LSM12: variants seen among roughly 807,000 people sequenced by gnomAD.
LSM12 encodes the protein protein LSM12.
For synonymous variants in LSM12, 74 were observed against 87.3 expected (o/e 0.85, Z 0.85); for missense variants, 108 against 238.9 (o/e 0.45, Z 3.61).
chr17:44,037,313 A>C, intron 4 of LSM12, 99 bp downstream of exon 4: 1 of 1,356,016 alleles, frequency 7.4e-7, no homozygotes, highest in Non-Finnish European at 9.8e-7. Context: ...CTGCTAGAGG[A>C]GGCAGAGACT....
intron 2 of LSM12, among the ~76,000 whole-genome samples, chr17:44,041,306 CACACA>C (rs1418426069): frequency 3.6e-5 from 5 of 140,552 alleles, no homozygotes; most frequent in African/African-American, 1.4e-4. Flanking sequence ...CACACACACA[CACACA>C]CACACACACA....
intron 2 of LSM12, among the ~76,000 whole-genome samples, chr17:44,045,419 A>G (rs1327917679): frequency 2.0e-5 from 3 of 152,176 alleles, no homozygotes; most frequent in African/African-American, 7.2e-5. Context: ...TCTTCCACTT[A>G]GCACATTTCT....
chr17:44,058,926 C>T (rs80175415), intron 2 of LSM12, among the ~76,000 whole-genome samples: 1 of 151,896 alleles, frequency 6.6e-6, no homozygotes, highest in East Asian at 1.9e-4. Context: ...TTGAGCGAAC[C>T]CTGGAGGTCG....
intron 2 of LSM12, among the ~76,000 whole-genome samples, chr17:44,041,216 T>C (rs1245189953): frequency 6.7e-6 from 1 of 149,336 alleles, no homozygotes; most frequent in African/African-American, 2.5e-5. Flanking sequence ...TGTTGCAGTG[T>C]GCCGAGATCA....
chr17:44,066,549 G>A lies in LSM12; in HGVS notation c.39C>T (p.Ser13=), dbSNP rs978325364. 8 of 1,511,458 alleles carry A rather than the reference G, an allele frequency of 5.3e-6. No homozygotes were observed. Among genetic ancestry groups the A allele is most frequent in the African/African-American group, 1.4e-5 (1 of 69,000 alleles). 93.6% of individuals were successfully genotyped at this position (1,511,458 alleles called of 1,614,324 possible). ...CCTGGCACGTCCGGCACGACACCTG[G>A]CTCCCAACGCTGAAGTACTCGCCCG... ...APPGEYFSVG[S]QVSCRTCQEQ... Residue 13 remains serine, a synonymous_variant, in exon 1 of 5, where the codon AGC becomes AGT. Coordinates refer to ENST00000293406, the MANE Select transcript of LSM12 (RefSeq NM_001371445.1).
intron 2 of LSM12, among the ~76,000 whole-genome samples, chr17:44,060,426 T>C (rs1300724901): frequency 3.3e-5 from 5 of 152,172 alleles, no homozygotes; most frequent in African/African-American, 9.7e-5. Context: ...CTCTCTCTAA[T>C]TCTAAGTCAA....
At chr17:44,056,872 T>C (rs1232630991) in intron 2 of LSM12, among the ~76,000 whole-genome samples, 1 of 151,798 alleles carries the variant, frequency 6.6e-6, no homozygotes, top group Non-Finnish European at 1.5e-5. Context: ...ATGCCTGTAA[T>C]CCCAGCTACT....
At chr17:44,044,899 T>A (rs565215895) in intron 2 of LSM12, among the ~76,000 whole-genome samples, 3 of 152,360 alleles carry the variant, frequency 2.0e-5, no homozygotes, top group African/African-American at 7.2e-5. Context: ...AATGGCCCAA[T>A]TATTCCAAGT....
Position 44,037,438 on chromosome 17 carries a change from T to G in LSM12, c.469A>C (p.Ser157Arg). 4 of 1,608,276 alleles carry G rather than the reference T, an allele frequency of 2.5e-6. No homozygotes were observed. The highest frequency in any genetic ancestry group is 1.3e-5 in the African/African-American group (1 of 74,732). The change falls in exon 4 of 5, where the codon AGT becomes CGT. Residue 157 changes from serine (S) to arginine (R), a missense_variant. Coordinates refer to ENST00000293406, the MANE Select transcript of LSM12 (RefSeq NM_001371445.1). Reference protein sequence around the residue: ...QVENCKGKEGSALSHVRKIVE... With the variant: ...QVENCKGKEGRALSHVRKIVE... ...ATTTTGCGTACATGGCTCAGTGCAC[T>G]CCCCTCTTTGCCTTTACAGTTTTCC...
At chr17:44,050,781 A>G (rs1033803150) in intron 2 of LSM12, among the ~76,000 whole-genome samples, 1 of 152,062 alleles carries the variant, frequency 6.6e-6, no homozygotes, top group African/African-American at 2.4e-5. Context: ...TCAGCCTCCC[A>G]AAGTGCTGGA....
At chr17:44,049,938 G>C (rs1423572001) in intron 2 of LSM12, among the ~76,000 whole-genome samples, 2 of 152,170 alleles carry the variant, frequency 1.3e-5, no homozygotes, top group African/African-American at 4.8e-5. Context: ...AGAGGGCTTA[G>C]GAAACACTGC....
At chr17:44,063,238 C>T (rs1446834556) in intron 2 of LSM12, among the ~76,000 whole-genome samples, 4 of 152,180 alleles carry the variant, frequency 2.6e-5, no homozygotes, top group Non-Finnish European at 5.9e-5. Flanking sequence ...CACACATACA[C>T]ACACAAAAGT....
intron 2 of LSM12, among the ~76,000 whole-genome samples, chr17:44,046,382 A>G (rs2144083765): frequency 6.6e-6 from 1 of 152,058 alleles, no homozygotes; most frequent in South Asian, 2.1e-4. Context: ...TTTTAAAGTA[A>G]TTGTTTTCCT....
chr17:44,040,662 T>C (rs551617217), intron 2 of LSM12, among the ~76,000 whole-genome samples: 1 of 152,084 alleles, frequency 6.6e-6, no homozygotes, highest in East Asian at 1.9e-4. Flanking sequence ...TGGCAAATGA[T>C]GGTCAGAGAT....
intron 2 of LSM12, among the ~76,000 whole-genome samples, chr17:44,040,511 GGCTAA>G (rs1567955492): frequency 6.6e-6 from 1 of 152,122 alleles, no homozygotes; most frequent in Non-Finnish European, 1.5e-5. Flanking sequence ...CACTATGCTA[GGCTAA>G]ATATAGCCTG....
intron 1 of LSM12, among the ~76,000 whole-genome samples, chr17:44,065,990 C>G (rs963770092): frequency 3.3e-5 from 5 of 152,124 alleles, no homozygotes; most frequent in African/African-American, 1.2e-4. Flanking sequence ...TCCCACCGCC[C>G]TTCCTTGGAC....
At chr17:44,042,682 A>G (rs1323085753) in intron 2 of LSM12, among the ~76,000 whole-genome samples, 1 of 151,680 alleles carries the variant, frequency 6.6e-6, no homozygotes, top group African/African-American at 2.4e-5. Flanking sequence ...CTCCTGCCTC[A>G]GCCTCCCGAG....
At chr17:44,039,482 C>T (rs556418008) in intron 3 of LSM12, among the ~76,000 whole-genome samples, 3,109 of 144,702 alleles carry the variant, frequency 0.021, 59 homozygotes, top group Admixed American at 0.026. Context: ...CCCGGGTTCA[C>T]GCCATTCTCC....
chr17:44,040,457 CTTCCTTCT>C (rs2049473472), intron 2 of LSM12: 1 of 500,032 alleles, frequency 2.0e-6, no homozygotes, highest in South Asian at 2.0e-5. Context: ...ACGTTCCTTC[CTTCCTTCT>C]AATACTTACT....
Sources: gnomAD v4.1 joint callset for allele counts (sites outside exome capture counted in the v4.1 genomes callset) on GRCh38, gnomAD v4.1.1 for gene constraint, MANE v1.5 for transcripts, NCBI Gene and HGNC (gene_info 2026-07-23, HGNC 2026-07-21) for gene names.